Variants in PLPP4 observed in about 807,000 individuals in gnomAD.
PLPP4 encodes the protein diacylglycerol pyrophosphate like 2.
A neutral mutation model predicts 32.2 loss-of-function variants in PLPP4; 20 were observed. The ratio of observed to expected loss-of-function variants is 0.62; its 90% CI spans 0.44 to 0.90. PLPP4 has a LOEUF of 0.90. Among genes scored for constraint, PLPP4 ranks in the 40% least tolerant of loss-of-function variants. The pLI, the probability that PLPP4 is intolerant of heterozygous loss-of-function variation, is 0.00. For synonymous variants in PLPP4, 127 were observed against 133.0 expected, an observed-to-expected ratio of 0.95 and a Z score of 0.31; for missense variants, 257 against 353.1, an observed-to-expected ratio of 0.73 and a Z score of 2.18.
intron 2 of PLPP4, among the ~76,000 whole-genome samples, chr10:120,509,630 TG>T (rs1243647055): frequency 3.3e-5 from 5 of 152,188 alleles, no homozygotes; most frequent in Admixed American, 6.5e-5. Flanking sequence ...CAACCCAGTC[TG>T]GGAGTCTTGG....
At chr10:120,525,970 C>G (rs1162510544) in intron 5 of PLPP4, among the ~76,000 whole-genome samples, 3 of 152,006 alleles carry the variant, frequency 2.0e-5, no homozygotes, top group African/African-American at 4.8e-5. Context: ...ATGTGCCTCA[C>G]CTTTGTATTC....
intron 3 of PLPP4, among the ~76,000 whole-genome samples, chr10:120,516,292 G>T (rs145188463): frequency 4.6e-5 from 7 of 152,296 alleles, no homozygotes; most frequent in Admixed American, 4.6e-4. Flanking sequence ...TCTTTACTCA[G>T]ATGTCTTCAG....
At chr10:120,504,767 T>G (rs563423430) in intron 2 of PLPP4, among the ~76,000 whole-genome samples, 1 of 152,350 alleles carries the variant, frequency 6.6e-6, no homozygotes, top group South Asian at 2.1e-4. Context: ...CTGTCCCCTC[T>G]CTTTTTAGGA....
chr10:120,576,227 G>C (rs1204334175), intron 6 of PLPP4, among the ~76,000 whole-genome samples: 2 of 152,246 alleles, frequency 1.3e-5, no homozygotes, highest in African/African-American at 4.8e-5. Flanking sequence ...AGGAAAGAAA[G>C]TGTGCCTGAA....
intron 5 of PLPP4, among the ~76,000 whole-genome samples, chr10:120,522,874 C>G (rs1846218336): frequency 6.6e-6 from 1 of 152,188 alleles, no homozygotes; most frequent in South Asian, 2.1e-4. Flanking sequence ...AGAATGAACA[C>G]TGTTTTACAT....
At chr10:120,475,955 C>T (rs1843883319) in intron 1 of PLPP4, among the ~76,000 whole-genome samples, 1 of 152,232 alleles carries the variant, frequency 6.6e-6, no homozygotes, top group Non-Finnish European at 1.5e-5. Flanking sequence ...GAAATCACTT[C>T]CATTCCTCCA....
At chr10:120,577,194 G>T (rs1400653710) in intron 6 of PLPP4, among the ~76,000 whole-genome samples, 3 of 151,520 alleles carry the variant, frequency 2.0e-5, no homozygotes, top group Non-Finnish European at 2.9e-5. Flanking sequence ...CTTTTTTTTT[G>T]GAACATGATT....
At chr10:120,529,204 G>A (rs551065309) in intron 5 of PLPP4, among the ~76,000 whole-genome samples, 6 of 152,046 alleles carry the variant, frequency 3.9e-5, no homozygotes, top group South Asian at 2.1e-4. Context: ...GTGTGTGTGC[G>A]TGCATGTGTA....
At chr10:120,490,896 G>GA (rs1406504201) in intron 1 of PLPP4, among the ~76,000 whole-genome samples, 1 of 152,206 alleles carries the variant, frequency 6.6e-6, no homozygotes, top group Non-Finnish European at 1.5e-5. Flanking sequence ...GTGTTTTAAT[G>GA]AAAATGGCAG....
chr10:120,583,261 C>T (rs1849601902), intron 6 of PLPP4, among the ~76,000 whole-genome samples: 1 of 151,730 alleles, frequency 6.6e-6, no homozygotes, highest in South Asian at 2.1e-4. Flanking sequence ...AGCCTGGCAC[C>T]TCAGTATGGC....
At chr10:120,574,057 G>C (rs1564849884) in intron 5 of PLPP4, among the ~76,000 whole-genome samples, 1 of 151,148 alleles carries the variant, frequency 6.6e-6, no homozygotes, top group African/African-American at 2.4e-5. Flanking sequence ...AGAGGGATGG[G>C]GAGCTGTAAC....
chr10:120,500,707 C>G (rs539175702), intron 1 of PLPP4, among the ~76,000 whole-genome samples: 127 of 152,086 alleles, frequency 8.4e-4, no homozygotes, highest in African/African-American at 3.0e-3. Context: ...GGTTCCAGAT[C>G]CTTTATTTTC....
At chr10:120,485,239 C>G (rs777272021) in intron 1 of PLPP4, among the ~76,000 whole-genome samples, 3 of 152,248 alleles carry the variant, frequency 2.0e-5, no homozygotes, top group Non-Finnish European at 2.9e-5. Context: ...GTGCCTTCCC[C>G]CTAGAGCTCC....
At chr10:120,568,030 A>G (rs954230948) in intron 5 of PLPP4, among the ~76,000 whole-genome samples, 2 of 152,240 alleles carry the variant, frequency 1.3e-5, no homozygotes, top group African/African-American at 4.8e-5. Context: ...CATTGATACA[A>G]TCACTTGGGG....
chr10:120,534,190 G>A (rs936698751), intron 5 of PLPP4, among the ~76,000 whole-genome samples: 3 of 151,862 alleles, frequency 2.0e-5, no homozygotes, highest in Non-Finnish European at 4.4e-5. Context: ...GTTTCTCTGG[G>A]AACATCTTTA....
intron 2 of PLPP4, among the ~76,000 whole-genome samples, chr10:120,511,586 G>A (rs1845730064): frequency 6.6e-6 from 1 of 152,144 alleles, no homozygotes; most frequent in Admixed American, 6.5e-5. Flanking sequence ...TGGTCTGTAT[G>A]CAGTGCTTAA....
intron 3 of PLPP4, among the ~76,000 whole-genome samples, chr10:120,517,012 A>G (rs1845959292): frequency 6.6e-6 from 1 of 152,200 alleles, no homozygotes; most frequent in African/African-American, 2.4e-5. Flanking sequence ...AGGTGGTTAT[A>G]TCATATCCAT....
chr10:120,508,953 G>T (rs1845616480), intron 2 of PLPP4, among the ~76,000 whole-genome samples: 1 of 152,200 alleles, frequency 6.6e-6, no homozygotes, highest in South Asian at 2.1e-4. Flanking sequence ...CTCTCTGTTG[G>T]ATCCTGTTGG....
At chr10:120,560,562 C>G (rs1443955506) in intron 5 of PLPP4, among the ~76,000 whole-genome samples, 1 of 152,090 alleles carries the variant, frequency 6.6e-6, no homozygotes, top group Admixed American at 6.5e-5. Flanking sequence ...TGAGACCAGA[C>G]TGGCCAACAT....
Sources: gnomAD v4.1 joint callset for allele counts (sites outside exome capture counted in the v4.1 genomes callset) on GRCh38, gnomAD v4.1.1 for gene constraint, MANE v1.5 for transcripts, NCBI Gene and HGNC (gene_info 2026-07-23, HGNC 2026-07-21) for gene names.